Variants in PARD3B observed in about 807,000 individuals in gnomAD.
PARD3B encodes partitioning defective 3 homolog B.
Under a neutral mutation model 130.2 loss-of-function variants are expected in PARD3B, and 103 were observed. That is an observed-to-expected ratio of 0.79 (90% CI 0.67 to 0.93). PARD3B has a LOEUF of 0.93. Among genes scored for constraint, PARD3B ranks in the 40% least tolerant of loss-of-function variants. PARD3B has a pLI of 0.00. For synonymous variants in PARD3B, 583 were observed against 553.2 expected, an observed-to-expected ratio of 1.05 and a Z score of -0.76; for missense variants, 1,609 against 1,499.2, an observed-to-expected ratio of 1.07 and a Z score of -1.21.
At chr2:204,614,898 ACT>A (rs1559186267) in intron 1 of PARD3B, among the ~76,000 whole-genome samples, 1 of 151,272 alleles carries the variant, frequency 6.6e-6, no homozygotes. Context: ...GCCAATTAAA[ACT>A]CTTTCTTTAT....
At chr2:205,423,263 C>A (rs2047034114) in intron 19 of PARD3B, among the ~76,000 whole-genome samples, 1 of 152,160 alleles carries the variant, frequency 6.6e-6, no homozygotes, top group Admixed American at 6.6e-5. Flanking sequence ...GGAGGAAGAC[C>A]AGATGATGAG....
intron 1 of PARD3B, among the ~76,000 whole-genome samples, chr2:204,598,767 T>C (rs561447682): frequency 2.0e-5 from 3 of 152,150 alleles, no homozygotes; most frequent in African/African-American, 7.2e-5. Context: ...CTCCCTGTTT[T>C]TTACGTATCC....
At chr2:204,859,524 A>C (rs539752304) in intron 2 of PARD3B, among the ~76,000 whole-genome samples, 1 of 152,378 alleles carries the variant, frequency 6.6e-6, no homozygotes, top group South Asian at 2.1e-4. Context: ...CAGATGTTGC[A>C]TCTTAAAATA....
chr2:204,553,656 A>G (rs58178955), intron 1 of PARD3B, among the ~76,000 whole-genome samples: 4 of 8,084 alleles, frequency 4.9e-4, no homozygotes, highest in African/African-American at 9.2e-4. Context: ...ATATCCATAT[A>G]TATATATATA....
At chr2:205,178,172 A>T (rs1391857223) in intron 13 of PARD3B, among the ~76,000 whole-genome samples, 1 of 148,786 alleles carries the variant, frequency 6.7e-6, no homozygotes, top group Non-Finnish European at 1.5e-5. Context: ...AAAAAAAAAA[A>T]AAAAAATTAG....
chr2:204,852,147 A>G (rs953667996), intron 2 of PARD3B, among the ~76,000 whole-genome samples: 1 of 151,604 alleles, frequency 6.6e-6, no homozygotes, highest in Non-Finnish European at 1.5e-5. Flanking sequence ...AATTTCTTTT[A>G]GTCTTTTAGG....
intron 18 of PARD3B, among the ~76,000 whole-genome samples, chr2:205,362,045 C>G (rs1031164641): frequency 6.6e-6 from 1 of 152,000 alleles, no homozygotes; most frequent in Non-Finnish European, 1.5e-5. Context: ...TGAACCTATT[C>G]AAACCCATTT....
intron 2 of PARD3B, among the ~76,000 whole-genome samples, chr2:204,827,467 T>C (rs2043628230): frequency 6.6e-6 from 1 of 152,216 alleles, no homozygotes; most frequent in Non-Finnish European, 1.5e-5. Context: ...TAGTTCATGC[T>C]TAAAGAGATC....
intron 4 of PARD3B, among the ~76,000 whole-genome samples, chr2:205,098,938 C>T (rs1414574679): frequency 6.6e-6 from 1 of 152,098 alleles, no homozygotes; most frequent in East Asian, 1.9e-4. Flanking sequence ...GAAAGTGTTG[C>T]TAAAAACGTT....
chr2:204,787,968 C>G (rs2125467059), intron 2 of PARD3B, among the ~76,000 whole-genome samples: 1 of 152,262 alleles, frequency 6.6e-6, no homozygotes, highest in African/African-American at 2.4e-5. Context: ...CATCTCTGCA[C>G]TTCCGTACAG....
At chr2:204,909,548 G>A (rs908271487) in intron 2 of PARD3B, among the ~76,000 whole-genome samples, 3 of 152,256 alleles carry the variant, frequency 2.0e-5, no homozygotes, top group Admixed American at 2.0e-4. Flanking sequence ...TTGGATTTGT[G>A]TGAAAGTTTT....
At chr2:205,395,890 T>C (rs2046011459) in intron 18 of PARD3B, among the ~76,000 whole-genome samples, 1 of 152,202 alleles carries the variant, frequency 6.6e-6, no homozygotes, top group South Asian at 2.1e-4. Flanking sequence ...TCTCCTAGTT[T>C]CCTCACCTAG....
rs1030206831 is a variant in PARD3B, at chr2:205,585,984, GAAATTCA to G, written c.3261-29468_3261-29462del. Among the ~76,000 whole-genome samples, 46 of 152,264 alleles carry G rather than the reference GAAATTCA, an allele frequency of 3.0e-4. No individual in the cohort carries two copies. The highest frequency in any genetic ancestry group is 1.0e-3 in the African/African-American group (43 of 41,556). On this transcript the variant is annotated intron_variant, in intron 22 of 22. Coordinates refer to ENST00000406610, the MANE Select transcript of PARD3B (RefSeq NM_001302769.2). This position sits in a 1 kb window ranked among gnomAD's most constrained non-coding sequence, Gnocchi z 5.4. The stretch of plus-strand genomic sequence containing the variant: ...TGAGCTTTCAGAAGGCCAATGTGAG[GAAATTCA>G]AAACACAACAGCTTGACTTGGTTTT...
intron 21 of PARD3B, among the ~76,000 whole-genome samples, chr2:205,536,561 G>A (rs890015693): frequency 1.3e-5 from 2 of 152,106 alleles, no homozygotes; most frequent in African/African-American, 4.8e-5. Flanking sequence ...CTCACTTGTG[G>A]GTTGTTAGTG....
rs573381655 is a variant in PARD3B at position 204,640,211 on chromosome 2, G to A, written c.121-45970G>A. On this transcript the variant is annotated intron_variant, in intron 1 of 22. Transcript: ENST00000406610. ...GTTGAGGGTGCAGTGAGCAGTGATC[G>A]CACCACTGCATTGCAACCTGTGCAA... 4.8e-4 allele frequency among the ~76,000 whole-genome samples: 73 copies of A among 152,186 alleles called. 1 individual carries two copies. The highest frequency in any genetic ancestry group is 1.7e-3 in the African/African-American group (71 of 41,522).
chr2:205,449,226 C>T (rs1435645456), intron 20 of PARD3B, among the ~76,000 whole-genome samples: 2 of 150,712 alleles, frequency 1.3e-5, no homozygotes, highest in Non-Finnish European at 1.5e-5. Context: ...TCTTAGAGAC[C>T]GCTTTTTTTT....
intron 1 of PARD3B, among the ~76,000 whole-genome samples, chr2:204,560,165 T>C (rs1287316044): frequency 6.6e-6 from 1 of 152,186 alleles, no homozygotes; most frequent in Non-Finnish European, 1.5e-5. Context: ...TGTGCACATG[T>C]ACCCTAGAAC....
chr2:204,699,815 T>C, intron 2 of PARD3B, among the ~76,000 whole-genome samples: 1 of 152,286 alleles, frequency 6.6e-6, no homozygotes, highest in East Asian at 1.9e-4. Context: ...TACAATGATT[T>C]AGCATAAAAA....
rs2048455559 is a variant in PARD3B at position 205,461,549 on chromosome 2, G to T, written c.3044+20877G>T. 6.6e-6 allele frequency among the ~76,000 whole-genome samples: 1 copy of T among 152,164 alleles called. No individual in the cohort carries two copies. Among genetic ancestry groups the T allele is most frequent in the African/African-American group, 2.4e-5 (1 of 41,438 alleles). On this transcript the variant is annotated intron_variant, in intron 20 of 22. Coordinates refer to ENST00000406610, the MANE Select transcript of PARD3B (RefSeq NM_001302769.2). This position sits in a 1 kb window ranked among gnomAD's most constrained non-coding sequence, Gnocchi z 4.3. ...GGACATGCACCCTCTACCTCCCAGA[G>T]ACCTAACCTATTTCCCTATCACTTA...
Sources: gnomAD v4.1 joint callset for allele counts (sites outside exome capture counted in the v4.1 genomes callset) on GRCh38, gnomAD v4.1.1 for gene constraint, Gnocchi (gnomAD v3.1) non-coding constraint, MANE v1.5 for transcripts, NCBI Gene and HGNC (gene_info 2026-07-23, HGNC 2026-07-21) for gene names.